The following DPY19L3 variants were observed in gnomAD, a reference collection of about 807,000 sequenced individuals.
The protein encoded by DPY19L3 is protein C-mannosyl-transferase DPY19L3.
A neutral mutation model predicts 92.3 loss-of-function variants in DPY19L3; 51 were observed. The ratio of observed to expected loss-of-function variants is 0.55; its 90% CI spans 0.44 to 0.70. The LOEUF (loss-of-function observed/expected upper bound fraction) is 0.70. Among genes scored for constraint, DPY19L3 ranks in the 30% least tolerant of loss-of-function variants. The pLI, the probability that DPY19L3 is intolerant of heterozygous loss-of-function variation, is 0.00. For missense variants in DPY19L3, 706 were observed against 855.9 expected (o/e 0.82, Z 2.18); for synonymous variants, 309 against 315.2 (o/e 0.98, Z 0.21).
chr19:32,449,102 T>C (rs1340885464), intron 8 of DPY19L3, among the ~76,000 whole-genome samples: 2 of 152,132 alleles, frequency 1.3e-5, no homozygotes, highest in Non-Finnish European at 2.9e-5. Context: ...CCTTAAGAGT[T>C]CCTGCAAATC....
At chr19:32,463,611 A>T in intron 13 of DPY19L3, 123 bp downstream of exon 13, 1 of 1,183,924 alleles carries the variant, frequency 8.4e-7, no homozygotes. Flanking sequence ...AATCATCCTT[A>T]TATCCTATCT....
intron 10 of DPY19L3, among the ~76,000 whole-genome samples, chr19:32,455,538 C>T (rs545260347): frequency 6.6e-6 from 1 of 151,738 alleles, no homozygotes; most frequent in Non-Finnish European, 1.5e-5. Context: ...GTAATATACA[C>T]GTAGCTTTCT....
intron 8 of DPY19L3, 24 bp from the exon 9 acceptor site, chr19:32,453,121 T>C: frequency 1.2e-6 from 2 of 1,613,426 alleles, no homozygotes; most frequent in Non-Finnish European, 8.5e-7. Flanking sequence ...ATGTCTGTAC[T>C]CATCTAATCT....
intron 3 of DPY19L3, among the ~76,000 whole-genome samples, chr19:32,422,730 C>G (rs911329009): frequency 1.3e-5 from 2 of 151,886 alleles, no homozygotes; most frequent in East Asian, 3.9e-4. Context: ...ATTGAAGGGG[C>G]AGAGCAGTTT....
At chr19:32,439,057 G>A (rs973994828) in intron 6 of DPY19L3, 55 bp from the exon 7 acceptor site, 6 of 1,553,942 alleles carry the variant, frequency 3.9e-6, no homozygotes, top group Admixed American at 1.9e-5. Flanking sequence ...GGAAGTCTTC[G>A]AGGAAATTAT....
chr19:32,436,625 G>T (rs1969148688), intron 5 of DPY19L3, 58 bp downstream of exon 5: 1 of 1,329,038 alleles, frequency 7.5e-7, no homozygotes, highest in Admixed American at 2.7e-5. Context: ...CTGCCATTTT[G>T]AACTGAAAGT....
chr19:32,476,838 AG>A (rs1441659836), intron 16 of DPY19L3, among the ~76,000 whole-genome samples: 1 of 152,170 alleles, frequency 6.6e-6, no homozygotes, highest in Non-Finnish European at 1.5e-5. Context: ...CCCCATATTA[AG>A]TAATAAGATA....
intron 3 of DPY19L3, among the ~76,000 whole-genome samples, chr19:32,424,136 G>A (rs1165635877): frequency 6.6e-6 from 1 of 152,052 alleles, no homozygotes; most frequent in Non-Finnish European, 1.5e-5. Context: ...GGGCAACATA[G>A]TGAGATCCCA....
chr19:32,427,234 A>G (rs1968795561), intron 3 of DPY19L3, among the ~76,000 whole-genome samples: 2 of 152,150 alleles, frequency 1.3e-5, no homozygotes, highest in African/African-American at 4.8e-5. Flanking sequence ...GGCTTAAGTA[A>G]TCCACCTACC....
Position 32,482,210 on chromosome 19 carries a change from C to A in DPY19L3, c.2121C>A (p.Phe707Leu). The A allele has an allele frequency of 6.2e-7, 1 of 1,613,570 alleles. No homozygotes were observed. Among genetic ancestry groups the A allele is most frequent in the Non-Finnish European group, 8.5e-7 (1 of 1,179,786 alleles). The part of the protein sequence containing the change: ...YFTRVFQNKT[F>L]HVYKLSRNK The stretch of plus-strand genomic sequence containing the variant: ...CCAGAGTGTTCCAGAACAAAACCTT[C>A]CACGTTTACAAGCTGTCCAGAAACA... Residue 707 changes from phenylalanine (F) to leucine (L), a missense_variant, in exon 19 of 19, where the codon TTC becomes TTA. Physicochemically the swap from Phe to Leu is conservative, Grantham distance 22 (BLOSUM62 0). Coordinates refer to ENST00000392250, the MANE Select transcript of DPY19L3 (RefSeq NM_001172774.2).
At chr19:32,427,690 C>T (rs545746318) in intron 3 of DPY19L3, among the ~76,000 whole-genome samples, 3 of 152,284 alleles carry the variant, frequency 2.0e-5, no homozygotes, top group Admixed American at 6.5e-5. Flanking sequence ...TCACATGCCA[C>T]GGCTTTAATC....
chr19:32,439,823 G>C lies in DPY19L3; in HGVS notation c.768G>C (p.Leu256=), dbSNP rs1363368306. ...TCATATCAACTTTTCTCTTTAGTCT[G>C]ACATGGCAATTTAATCAATTTATGA... ...AIFISTFLFS[L]TWQFNQFMML... is the part of the protein sequence containing the mutation. The change falls in exon 8 of 19, where the codon CTG becomes CTC. Residue 256 remains leucine (L), a synonymous_variant. Coordinates refer to ENST00000392250, the MANE Select transcript of DPY19L3 (RefSeq NM_001172774.2). 1 of 1,613,712 alleles carries C rather than the reference G, an allele frequency of 6.2e-7. No homozygotes were observed. Among genetic ancestry groups the C allele is most frequent in the Non-Finnish European group, 8.5e-7 (1 of 1,179,840 alleles).
rs1459456633 is a variant in DPY19L3 at position 32,405,783 on chromosome 19, T to C, written c.-164T>C. 1 of 151,706 alleles carries C rather than the reference T, an allele frequency of 6.6e-6. No individual in the cohort carries two copies. Among genetic ancestry groups the C allele is most frequent in the Non-Finnish European group, 1.5e-5 (1 of 67,950 alleles). The allele number at this position is 151,706 out of a possible 1,614,324, so 9.4% of individuals were successfully genotyped here. The stretch of plus-strand genomic sequence containing the variant: ...CCCCAGCCCCTCATTTCCACAAAGC[T>C]CCGCGGCGGTTCTGCCCTCCTTGTA... On this transcript the variant is annotated 5_prime_UTR_variant, in exon 1 of 19. Coordinates refer to ENST00000392250, the MANE Select transcript of DPY19L3 (RefSeq NM_001172774.2).
At chr19:32,455,991 A>C (rs1015082396) in intron 10 of DPY19L3, among the ~76,000 whole-genome samples, 1 of 152,062 alleles carries the variant, frequency 6.6e-6, no homozygotes, top group African/African-American at 2.4e-5. Flanking sequence ...CTCCTTCTCC[A>C]CAAGAGAACT....
intron 17 of DPY19L3, among the ~76,000 whole-genome samples, chr19:32,478,159 G>C (rs967545546): frequency 6.6e-6 from 1 of 152,158 alleles, no homozygotes; most frequent in African/African-American, 2.4e-5. Flanking sequence ...CACAGGGCTC[G>C]CATCTCCTGG....
intron 3 of DPY19L3, among the ~76,000 whole-genome samples, chr19:32,424,938 A>G (rs1454406823): frequency 6.6e-6 from 1 of 152,226 alleles, no homozygotes; most frequent in Non-Finnish European, 1.5e-5. Flanking sequence ...TAGATGGTCA[A>G]GTGATTTTCA....
intron 16 of DPY19L3, 122 bp from the exon 17 acceptor site, chr19:32,477,400 T>C (rs891216428): frequency 3.8e-6 from 5 of 1,317,848 alleles, no homozygotes; most frequent in Admixed American, 2.3e-5. Flanking sequence ...CCGTTTTTTT[T>C]CCCTGACTCG....
chr19:32,456,663 G>A (rs1027076432), intron 10 of DPY19L3, among the ~76,000 whole-genome samples: 1 of 151,832 alleles, frequency 6.6e-6, no homozygotes, highest in African/African-American at 2.4e-5. Context: ...CAAACACCTG[G>A]GCTCAAGGTA....
intron 16 of DPY19L3, among the ~76,000 whole-genome samples, chr19:32,476,641 G>A (rs925751293): frequency 1.3e-5 from 2 of 151,744 alleles, no homozygotes; most frequent in Non-Finnish European, 2.9e-5. Flanking sequence ...TCTTTTCTTG[G>A]TCCCTAGTCC....
Sources: gnomAD v4.1 joint callset for allele counts (sites outside exome capture counted in the v4.1 genomes callset) on GRCh38, gnomAD v4.1.1 for gene constraint, MANE v1.5 for transcripts, NCBI Gene and HGNC (gene_info 2026-07-23, HGNC 2026-07-21) for gene names.